WWOX: variants seen among roughly 807,000 people sequenced by gnomAD.
WWOX encodes the protein WW domain containing oxidoreductase.
In WWOX, 69 loss-of-function variants were observed where a neutral mutation model predicts 46.2. The ratio of observed to expected loss-of-function variants is 1.49; its 90% CI spans 1.23 to 1.82. The LOEUF (loss-of-function observed/expected upper bound fraction) is 1.82. WWOX is among the 40% of genes most tolerant of loss of function. The probability of loss-of-function intolerance (pLI) is 0.00; values close to 1 mark genes in which losing one functional copy is unlikely to be tolerated. For synonymous variants in WWOX, 359 were observed against 202.6 expected (o/e 1.77, Z -6.56); for missense variants, 919 against 542.6 (o/e 1.69, Z -6.89).
At chr16:79,145,004 A>C (rs1411681510) in intron 8 of WWOX, among the ~76,000 whole-genome samples, 1 of 152,152 alleles carries the variant, frequency 6.6e-6, no homozygotes, top group Non-Finnish European at 1.5e-5. Context: ...CTTGGAGTAT[A>C]TCCCCTGTGC....
In WWOX at chr16:79,211,842, C is replaced by G; in HGVS notation, c.*46C>G. The G allele has an allele frequency of 6.2e-7, 1 of 1,611,376 alleles. No homozygotes were observed. The highest frequency in any genetic ancestry group is 1.1e-5 in the South Asian group (1 of 90,814). On this transcript the variant is annotated 3_prime_UTR_variant, in exon 9 of 9. Coordinates refer to ENST00000566780, the MANE Select transcript of WWOX (RefSeq NM_016373.4). ...GCACACACACCCGCCCTGTGTGTGT[C>G]CCCTCACGCAAGTGCCAGGGCTGGG... is the stretch of plus-strand genomic sequence containing the variant.
At chr16:78,106,820 T>C (rs2032177992) in intron 1 of WWOX, among the ~76,000 whole-genome samples, 2 of 152,162 alleles carry the variant, frequency 1.3e-5, no homozygotes, top group African/African-American at 4.8e-5. Context: ...TTTTAATCGT[T>C]CTCCAAGCAC....
At chr16:78,810,376 G>C (rs2051155821) in intron 8 of WWOX, among the ~76,000 whole-genome samples, 1 of 152,162 alleles carries the variant, frequency 6.6e-6, no homozygotes, top group African/African-American at 2.4e-5. Flanking sequence ...GACACATGCA[G>C]CCACACTTGT....
At chr16:78,437,382 TG>T (rs965944016) in intron 8 of WWOX, among the ~76,000 whole-genome samples, 3 of 152,242 alleles carry the variant, frequency 2.0e-5, no homozygotes, top group African/African-American at 4.8e-5. Flanking sequence ...TTATTAAATG[TG>T]ATCTGTCTTT....
rs528561191 is a variant in WWOX, at chr16:78,144,642, C to T, written c.410-19541C>T. ...GTTCAAGCAATTCTCCTGCCTCAGC[C>T]TCCCAATAGCTGGGATTACAGGTGC... On this transcript the variant is annotated intron_variant, in intron 4 of 8. Coordinates refer to ENST00000566780, the MANE Select transcript of WWOX (RefSeq NM_016373.4). Among the ~76,000 whole-genome samples, 32 of 149,018 alleles carry T rather than the reference C, an allele frequency of 2.1e-4. No homozygotes were observed. The South Asian group carries it at 6.3e-3, about 29-fold the overall frequency.
intron 8 of WWOX, among the ~76,000 whole-genome samples, chr16:79,199,968 G>A (rs538212589): frequency 2.6e-5 from 4 of 152,160 alleles, no homozygotes; most frequent in Admixed American, 6.5e-5. Context: ...TCTGTTAACT[G>A]TGGGGGCAGA....
intron 8 of WWOX, among the ~76,000 whole-genome samples, chr16:78,781,358 C>T (rs2050318753): frequency 6.6e-6 from 1 of 152,190 alleles, no homozygotes; most frequent in Non-Finnish European, 1.5e-5. Context: ...GAAATCTGCA[C>T]CCCACCTTGC....
chr16:78,184,359 C>T (rs1396198995), intron 5 of WWOX, among the ~76,000 whole-genome samples: 1 of 152,054 alleles, frequency 6.6e-6, no homozygotes, highest in Non-Finnish European at 1.5e-5. Flanking sequence ...CTCATGATGC[C>T]AGAGAAAATG....
At chr16:78,692,842 A>G (rs1278969936) in intron 8 of WWOX, among the ~76,000 whole-genome samples, 1 of 152,212 alleles carries the variant, frequency 6.6e-6, no homozygotes, top group Non-Finnish European at 1.5e-5. Context: ...TTAAAGAGAC[A>G]ACTGTTTTTG....
intron 5 of WWOX, among the ~76,000 whole-genome samples, chr16:78,364,660 T>TTGTCTC (rs1555526838): frequency 6.6e-6 from 1 of 151,746 alleles, no homozygotes; most frequent in African/African-American, 2.4e-5. Flanking sequence ...TGGGTGCTCT[T>TTGTCTC]TCTCTATAAT....
chr16:78,685,910 AAAAG>A (rs201039038), intron 8 of WWOX, among the ~76,000 whole-genome samples: 16,144 of 151,042 alleles, frequency 0.11, 1,057 homozygotes, highest in South Asian at 0.16. Flanking sequence ...ACAAAAAAGA[AAAAG>A]AAAAAAGAGA....
At chr16:78,335,337 C>G (rs192568473) in intron 5 of WWOX, among the ~76,000 whole-genome samples, 1 of 152,276 alleles carries the variant, frequency 6.6e-6, no homozygotes, top group Non-Finnish European at 1.5e-5. Context: ...TCCATGTGTT[C>G]TCATCATGCA....
chr16:79,203,063 C>T (rs181965776), intron 8 of WWOX: 9 of 152,268 alleles, frequency 5.9e-5, no homozygotes, highest in South Asian at 4.2e-4. Flanking sequence ...ATTATTTACC[C>T]GGGCAATTAA....
At chr16:78,764,019 T>A (rs1275360821) in intron 8 of WWOX, among the ~76,000 whole-genome samples, 1 of 152,180 alleles carries the variant, frequency 6.6e-6, no homozygotes, top group African/African-American at 2.4e-5. Context: ...AGATCATGCT[T>A]GGAGTGGCAC....
chr16:78,763,653 A>G (rs2142496599), intron 8 of WWOX, among the ~76,000 whole-genome samples: 1 of 152,334 alleles, frequency 6.6e-6, no homozygotes, highest in South Asian at 2.1e-4. Flanking sequence ...AGCACCTAGT[A>G]CAGTGCCCTG....
chr16:78,507,432 C>A (rs1169675185), intron 8 of WWOX, among the ~76,000 whole-genome samples: 2 of 152,158 alleles, frequency 1.3e-5, no homozygotes, highest in African/African-American at 4.8e-5. Flanking sequence ...ATATCTCAGT[C>A]ATTTTACAGC....
rs193145873 is a variant in WWOX, at chr16:78,439,765, G to A, written c.1056+7013G>A. Among the ~76,000 whole-genome samples the A allele has an allele frequency of 2.7e-3, 414 of 152,320 alleles. 2 individuals are homozygous for A. Among genetic ancestry groups the A allele is most frequent in the South Asian group, 0.023 (112 of 4,822 alleles). The stretch of plus-strand genomic sequence containing the variant: ...CTTCCCATGTATCCAGAGTTGCTGA[G>A]GCAGCAAGGGTTGTGTTTGGCTACT... On this transcript the variant is annotated intron_variant, in intron 8 of 8. Transcript: ENST00000566780.
At chr16:78,286,307 G>T (rs770314045) in intron 5 of WWOX, among the ~76,000 whole-genome samples, 2 of 152,198 alleles carry the variant, frequency 1.3e-5, no homozygotes, top group Non-Finnish European at 2.9e-5. Flanking sequence ...CCCAGTGGGC[G>T]AAAAATTTGA....
At chr16:79,131,009 T>C (rs1256756405) in intron 8 of WWOX, among the ~76,000 whole-genome samples, 1 of 152,176 alleles carries the variant, frequency 6.6e-6, no homozygotes, top group Non-Finnish European at 1.5e-5. Flanking sequence ...ATAATCCTTT[T>C]TTGGATGAAG....
Sources: gnomAD v4.1 joint callset for allele counts (sites outside exome capture counted in the v4.1 genomes callset) on GRCh38, gnomAD v4.1.1 for gene constraint, MANE v1.5 for transcripts, NCBI Gene and HGNC (gene_info 2026-07-23, HGNC 2026-07-21) for gene names.